The following RASEF variants were observed in gnomAD, a reference collection of about 807,000 sequenced individuals.
RASEF encodes the protein ras and EF-hand domain-containing protein.
A neutral mutation model predicts 90.1 loss-of-function variants in RASEF; 68 were observed. The observed-to-expected ratio is 0.75, with a 90% CI of 0.62 to 0.92. RASEF has a LOEUF of 0.92. Ranked by LOEUF, RASEF falls within the 40% of genes least tolerant of loss-of-function variation. RASEF has a pLI of 0.00. For synonymous variants in RASEF, 331 were observed against 345.2 expected (o/e 0.96, Z 0.46); for missense variants, 949 against 937.2 (o/e 1.01, Z -0.16).
intron 1 of RASEF, among the ~76,000 whole-genome samples, chr9:83,031,972 A>G (rs1397503549): frequency 6.6e-6 from 1 of 152,126 alleles, no homozygotes; most frequent in East Asian, 1.9e-4. Context: ...CAATTCTCAC[A>G]CCTGATAGGA....
the RASEF span, among the ~76,000 whole-genome samples, chr9:83,139,425 A>C: frequency 6.6e-6 from 1 of 152,344 alleles, no homozygotes; most frequent in Non-Finnish European, 1.5e-5. Context: ...CTTACTGATA[A>C]CATAAACAGT....
At chr9:83,199,934 A>G in the RASEF span, among the ~76,000 whole-genome samples, 5 of 152,204 alleles carry the variant, frequency 3.3e-5, no homozygotes, top group African/African-American at 1.2e-4. Context: ...ACCATGGAGC[A>G]TGATGCCGCC....
intron 1 of RASEF, chr9:83,049,306 T>A: frequency 1.0e-6 from 1 of 985,320 alleles, no homozygotes; most frequent in Non-Finnish European, 1.2e-6. Context: ...TTAGCAATAG[T>A]CAGCTAACCT....
At chr9:83,009,353 A>G (rs1039712780) in intron 6 of RASEF, among the ~76,000 whole-genome samples, 1 of 152,172 alleles carries the variant, frequency 6.6e-6, no homozygotes, top group Non-Finnish European at 1.5e-5. Context: ...AAACACTTTA[A>G]TAAGTACTAA....
chr9:83,063,335 G>T (rs1318826098), upstream of RASEF, among the ~76,000 whole-genome samples: 1 of 152,210 alleles, frequency 6.6e-6, no homozygotes, highest in Non-Finnish European at 1.5e-5. Context: ...TTCGGCGTAA[G>T]CGCTGCTCAG....
intron 1 of RASEF, chr9:83,055,638 A>T (rs1420412571): frequency 2.8e-6 from 2 of 718,008 alleles, no homozygotes; most frequent in South Asian, 3.0e-5. Flanking sequence ...GTGTTATGAG[A>T]TGCCTCACGA....
chr9:83,209,294 A>G, the RASEF span, among the ~76,000 whole-genome samples: 4 of 152,242 alleles, frequency 2.6e-5, no homozygotes, highest in Admixed American at 2.0e-4. Flanking sequence ...GAGGATCCCA[A>G]TGCTTTCACA....
chr9:83,049,565 G>C (rs1235502529), intron 1 of RASEF, among the ~76,000 whole-genome samples: 3 of 98,664 alleles, frequency 3.0e-5, no homozygotes, highest in Non-Finnish European at 5.5e-5. Context: ...TATACTCTAA[G>C]TTTTAGGGTA....
At chr9:83,124,236 T>G in the RASEF span, among the ~76,000 whole-genome samples, 1 of 152,250 alleles carries the variant, frequency 6.6e-6, no homozygotes, top group African/African-American at 2.4e-5. Context: ...TTGGCTATTG[T>G]GAATAATGCT....
chr9:83,095,980 T>C, the RASEF span, among the ~76,000 whole-genome samples: 2 of 152,164 alleles, frequency 1.3e-5, no homozygotes, highest in Non-Finnish European at 2.9e-5. Flanking sequence ...GATTCCTGCA[T>C]TGGTAATCTG....
chr9:83,180,663 G>T, the RASEF span, among the ~76,000 whole-genome samples: 6 of 152,080 alleles, frequency 3.9e-5, no homozygotes, highest in African/African-American at 1.4e-4. Context: ...TGTGGTGGAG[G>T]TTTAATGTTC....
the RASEF span, among the ~76,000 whole-genome samples, chr9:83,074,869 C>T: frequency 1.3e-5 from 2 of 152,172 alleles, no homozygotes; most frequent in Admixed American, 6.5e-5. Flanking sequence ...AGTCTTTTAC[C>T]TCCGGCACCT....
rs561282323 is a variant in RASEF at position 83,043,334 on chromosome 9, T to A, written c.432-17413A>T. On this transcript the variant is annotated intron_variant, in intron 1 of 16. Transcript: ENST00000376447. Reference sequence around the variant, plus strand: ...GCCAAATGCATTGTATGAACCTATGTATGTAACATCAAAACAGAAGCAAAG... The same window carrying A: ...GCCAAATGCATTGTATGAACCTATGAATGTAACATCAAAACAGAAGCAAAG... Among the ~76,000 whole-genome samples, 50 of 152,086 alleles carry A rather than the reference T, an allele frequency of 3.3e-4. 1 individual carries two copies. The South Asian group carries it at 0.01, about 32-fold the overall frequency.
At chr9:83,023,403 G>A (rs1345146617) in intron 2 of RASEF, among the ~76,000 whole-genome samples, 2 of 152,148 alleles carry the variant, frequency 1.3e-5, no homozygotes, top group South Asian at 4.1e-4. Flanking sequence ...AAATGACAGG[G>A]CTTAAATATA....
At chr9:83,035,193 C>T (rs184568597) in intron 1 of RASEF, among the ~76,000 whole-genome samples, 75 of 152,260 alleles carry the variant, frequency 4.9e-4, no homozygotes, top group African/African-American at 1.8e-3. Flanking sequence ...TGTGAAGCAC[C>T]AGGTAGAAAA....
the RASEF span, among the ~76,000 whole-genome samples, chr9:83,192,850 G>A: frequency 2.0e-5 from 3 of 151,368 alleles, no homozygotes; most frequent in Non-Finnish European, 4.4e-5. Flanking sequence ...AAACAGTGAA[G>A]AGAGCAATTT....
the RASEF span, among the ~76,000 whole-genome samples, chr9:83,191,039 A>C: frequency 6.6e-6 from 1 of 152,196 alleles, no homozygotes; most frequent in African/African-American, 2.4e-5. Context: ...CTTTAGAGAC[A>C]TTCTTACAAA....
chr9:83,164,603 AACC>A, the RASEF span, among the ~76,000 whole-genome samples: 1 of 150,662 alleles, frequency 6.6e-6, no homozygotes, highest in Non-Finnish European at 1.5e-5. Flanking sequence ...ATCAAATTAG[AACC>A]ACCAAGGAAA....
chr9:83,090,538 G>A, the RASEF span, among the ~76,000 whole-genome samples: 1 of 151,924 alleles, frequency 6.6e-6, no homozygotes, highest in African/African-American at 2.4e-5. Flanking sequence ...TGAGTAGCTG[G>A]GATTACAGGC....
Sources: allele counts gnomAD v4.1 joint callset (sites outside exome capture counted in the v4.1 genomes callset), GRCh38; gene constraint gnomAD v4.1.1; transcripts MANE v1.5; gene names NCBI Gene and HGNC (gene_info 2026-07-23, HGNC 2026-07-21).